The following NKX2-2 variants were observed in gnomAD, a reference collection of about 807,000 sequenced individuals.
NKX2-2 encodes homeobox protein Nkx-2.2.
A neutral mutation model predicts 24.6 loss-of-function variants in NKX2-2; 8 were observed. The observed-to-expected ratio is 0.32, with a 90% confidence interval of 0.19 to 0.59. The LOEUF (loss-of-function observed/expected upper bound fraction) is 0.59, where lower values mean the gene tolerates loss of function less well. Ranked by LOEUF, NKX2-2 falls within the 20% of genes least tolerant of loss-of-function variation. The pLI is 0.86. For missense variants in NKX2-2, 381 were observed against 373.9 expected, an observed-to-expected ratio of 1.02 and a Z score of -0.16; for synonymous variants, 217 against 173.3, an observed-to-expected ratio of 1.25 and a Z score of -1.98.
upstream of NKX2-2, among the ~76,000 whole-genome samples, chr20:21,516,377 A>G (rs546530540): frequency 5.0e-4 from 68 of 134,922 alleles, no homozygotes; most frequent in African/African-American, 1.8e-3. Flanking sequence ...CCTCGAACCC[A>G]TTACTTTTCG....
At chr20:21,516,685 G>A (rs1305643482), upstream of NKX2-2, among the ~76,000 whole-genome samples, 1 of 152,206 alleles carries the variant, frequency 6.6e-6, no homozygotes, top group African/African-American at 2.4e-5. Context: ...GGTGGAGGCT[G>A]TCTTGGGGTC....
At chr20:21,520,996 C>A in the NKX2-2 span, among the ~76,000 whole-genome samples, 2 of 151,988 alleles carry the variant, frequency 1.3e-5, no homozygotes, top group Non-Finnish European at 2.9e-5. Flanking sequence ...GCTCTCCTAA[C>A]GGGTTGCATT....
upstream of NKX2-2, among the ~76,000 whole-genome samples, chr20:21,518,423 C>T (rs925267602): frequency 4.6e-5 from 7 of 152,268 alleles, no homozygotes; most frequent in East Asian, 1.9e-4. Flanking sequence ...AACCTGTGCC[C>T]CTGGAAGCTA....
chr20:21,514,477 T>C, upstream of NKX2-2, among the ~76,000 whole-genome samples: 1 of 151,026 alleles, frequency 6.6e-6, no homozygotes, highest in Non-Finnish European at 1.5e-5. Context: ...GAAAGGGCCG[T>C]TTTAACAAAT....
upstream of NKX2-2, among the ~76,000 whole-genome samples, chr20:21,517,398 T>G (rs56150901): frequency 0.33 from 50,674 of 152,018 alleles, 8,919 homozygotes; most frequent in African/African-American, 0.45. Context: ...GATCGGTGCT[T>G]CCGGGTCCAC....
chr20:21,517,364 G>C (rs146677996), upstream of NKX2-2, among the ~76,000 whole-genome samples: 108 of 152,326 alleles, frequency 7.1e-4, no homozygotes, highest in African/African-American at 2.5e-3. Context: ...GAATTGGAGA[G>C]AGCTTCGGCC....
At chr20:21,518,774 G>T (rs2122552483), upstream of NKX2-2, among the ~76,000 whole-genome samples, 1 of 152,314 alleles carries the variant, frequency 6.6e-6, no homozygotes, top group Non-Finnish European at 1.5e-5. Flanking sequence ...CAGCAAACCA[G>T]GCAAGAAAGG....
upstream of NKX2-2, among the ~76,000 whole-genome samples, chr20:21,515,979 C>T (rs1038730550): frequency 3.3e-5 from 5 of 152,212 alleles, no homozygotes; most frequent in Non-Finnish European, 5.9e-5. Context: ...GTGGTCGGAC[C>T]CGGGCAAACA....
chr20:21,518,041 T>G (rs189572903), upstream of NKX2-2, among the ~76,000 whole-genome samples: 197 of 152,338 alleles, frequency 1.3e-3, no homozygotes, highest in Non-Finnish European at 2.0e-3. Context: ...GCGAGTTCAA[T>G]GTCCTCCGTT....
At chr20:21,512,864 T>C (rs973872066) in intron 1 of NKX2-2, among the ~76,000 whole-genome samples, 7 of 152,240 alleles carry the variant, frequency 4.6e-5, no homozygotes, top group African/African-American at 1.7e-4. Flanking sequence ...AATCCCAGCA[T>C]TGATCGGCTC....
Position 21,513,494 on chromosome 20 carries a change from A to G in NKX2-2, c.176T>C (p.Leu59Pro), listed in dbSNP as rs1332148589. 2 of 1,611,346 alleles carry G rather than the reference A, an allele frequency of 1.2e-6. No individual in the cohort carries two copies. Among genetic ancestry groups the G allele is most frequent in the Non-Finnish European group, 1.7e-6 (2 of 1,178,900 alleles). The part of the protein sequence containing the change: ...GQGALDAVQS[L>P]PLKNPFYDSS... Reference sequence around the variant, plus strand: ...GTCGTAGAAGGGGTTCTTCAGGGGCAGGCTCTGCACCGCGTCCAGGGCGCC... The same window carrying G: ...GTCGTAGAAGGGGTTCTTCAGGGGCGGGCTCTGCACCGCGTCCAGGGCGCC... Residue 59 changes from leucine to proline, a missense_variant, in exon 1 of 2, where the codon CTG becomes CCG. Physicochemically the swap from Leu to Pro is moderately conservative, Grantham distance 98 (BLOSUM62 -3). Coordinates refer to ENST00000377142, the MANE Select transcript of NKX2-2 (RefSeq NM_002509.4). This position sits in a 1 kb window ranked among gnomAD's most constrained non-coding sequence, Gnocchi z 4.6.
chr20:21,519,953 G>T, the NKX2-2 span, among the ~76,000 whole-genome samples: 15 of 152,162 alleles, frequency 9.9e-5, no homozygotes, highest in African/African-American at 3.4e-4. Flanking sequence ...GTGGGCATTA[G>T]TGTGAAAAGA....
upstream of NKX2-2, among the ~76,000 whole-genome samples, chr20:21,516,715 G>A (rs945847739): frequency 1.3e-5 from 2 of 152,142 alleles, no homozygotes. Flanking sequence ...CACTAGGTTG[G>A]GGACCCAGAA....
upstream of NKX2-2, among the ~76,000 whole-genome samples, chr20:21,515,498 G>A (rs1980610168): frequency 6.6e-6 from 1 of 152,132 alleles, no homozygotes; most frequent in South Asian, 2.1e-4. Context: ...TCTCGGCTCT[G>A]GGAACTGAAC....
At chr20:21,514,208 A>G (rs1304478328), upstream of NKX2-2, among the ~76,000 whole-genome samples, 1 of 151,894 alleles carries the variant, frequency 6.6e-6, no homozygotes, top group African/African-American at 2.4e-5. Context: ...GAAGGGTGGA[A>G]AAAAGGGGGA....
the NKX2-2 span, among the ~76,000 whole-genome samples, chr20:21,521,576 G>C: frequency 3.3e-5 from 5 of 152,180 alleles, no homozygotes; most frequent in Non-Finnish European, 7.3e-5. Flanking sequence ...TCACGTCCCA[G>C]TTCCGTCTGA....
At chr20:21,518,373 G>A (rs900120138), upstream of NKX2-2, among the ~76,000 whole-genome samples, 1 of 152,188 alleles carries the variant, frequency 6.6e-6, no homozygotes, top group African/African-American at 2.4e-5. Flanking sequence ...CGCATTGGGA[G>A]TCCTACGCCC....
At chr20:21,517,531 G>A (rs1980670538), upstream of NKX2-2, among the ~76,000 whole-genome samples, 1 of 152,220 alleles carries the variant, frequency 6.6e-6, no homozygotes, top group Non-Finnish European at 1.5e-5. Flanking sequence ...AGACCGCTGG[G>A]AGGTCCGTAA....
upstream of NKX2-2, among the ~76,000 whole-genome samples, chr20:21,516,284 T>C (rs143165779): frequency 4.6e-5 from 7 of 152,108 alleles, no homozygotes; most frequent in Non-Finnish European, 8.8e-5. Flanking sequence ...CTCTTTCTCC[T>C]CCTACTTTTT....
Sources: allele counts gnomAD v4.1 joint callset (sites outside exome capture counted in the v4.1 genomes callset), GRCh38; gene constraint gnomAD v4.1.1; non-coding constraint Gnocchi (gnomAD v3.1); transcripts MANE v1.5; gene names NCBI Gene and HGNC (gene_info 2026-07-23, HGNC 2026-07-21).